Variants in KATNAL2 observed in about 807,000 individuals in gnomAD.
KATNAL2 encodes katanin catalytic subunit A1 like 2.
Under a neutral mutation model 76.3 loss-of-function variants are expected in KATNAL2, and 52 were observed. The ratio of observed to expected loss-of-function variants is 0.68; its 90% CI spans 0.55 to 0.86. The LOEUF (loss-of-function observed/expected upper bound fraction) is 0.86. KATNAL2 is among the 40% of genes least tolerant of loss of function. KATNAL2 has a pLI of 0.00. For synonymous variants in KATNAL2, 243 were observed against 244.2 expected (o/e 1.00, Z 0.05); for missense variants, 660 against 668.9 (o/e 0.99, Z 0.15).
intron 1 of KATNAL2, among the ~76,000 whole-genome samples, chr18:46,925,188 T>A (rs1245166838): frequency 6.6e-6 from 1 of 152,210 alleles, no homozygotes; most frequent in Non-Finnish European, 1.5e-5. Context: ...CTCCAGTTTT[T>A]GCCCATTCAG....
chr18:47,071,846 T>G (rs1193122163), intron 13 of KATNAL2, among the ~76,000 whole-genome samples: 1 of 151,410 alleles, frequency 6.6e-6, no homozygotes, highest in Non-Finnish European at 1.5e-5. Context: ...TCAGTATTAT[T>G]TTGTTAGGAT....
intron 6 of KATNAL2, among the ~76,000 whole-genome samples, chr18:47,055,127 A>C (rs1165814479): frequency 6.6e-6 from 1 of 152,070 alleles, no homozygotes; most frequent in Non-Finnish European, 1.5e-5. Flanking sequence ...TGTCCTTCGC[A>C]TTCCTCTCGC....
At chr18:47,075,722 C>T (rs2062185708) in intron 14 of KATNAL2, among the ~76,000 whole-genome samples, 1 of 152,180 alleles carries the variant, frequency 6.6e-6, no homozygotes, top group African/African-American at 2.4e-5. Context: ...AGAGGGGCTG[C>T]CCCTGGGGAA....
intron 3 of KATNAL2, among the ~76,000 whole-genome samples, chr18:46,957,399 C>A (rs1463487236): frequency 6.6e-6 from 1 of 151,028 alleles, no homozygotes; most frequent in African/African-American, 2.4e-5. Flanking sequence ...GGACTACAGG[C>A]GCCCGCCACC....
In KATNAL2 at chr18:46,946,302, A is replaced by G. The variant is rs2059379957; in HGVS notation, c.-264A>G. On this transcript the variant is annotated 5_prime_UTR_variant, in exon 2 of 18. Coordinates refer to ENST00000683218, the MANE Select transcript of KATNAL2 (RefSeq NM_001387690.1). ...TCTGATGTGAAAGGAATTGGAGGAG[A>G]AGGGGAAGTTTGGTGATGCACAGTT... 1.9e-6 allele frequency: 2 copies of G among 1,054,860 alleles called. No individual in the cohort carries two copies. Among genetic ancestry groups the G allele is most frequent in the African/African-American group, 1.7e-5 (1 of 58,408 alleles). The allele number at this position is 1,054,860 out of a possible 1,614,324, so 65.3% of individuals were successfully genotyped here. A position where few individuals can be genotyped will look rare whatever the true frequency, so the allele number is the denominator to read the frequency against.
intron 1 of KATNAL2, among the ~76,000 whole-genome samples, chr18:46,929,678 T>C (rs1208062542): frequency 6.6e-6 from 1 of 152,248 alleles, no homozygotes; most frequent in East Asian, 1.9e-4. Context: ...AACTTTCTTA[T>C]ACGGGGCATT....
intron 1 of KATNAL2, among the ~76,000 whole-genome samples, chr18:46,938,452 T>G (rs981354746): frequency 1.3e-5 from 2 of 152,174 alleles, no homozygotes; most frequent in Non-Finnish European, 2.9e-5. Flanking sequence ...GGCAAAATGT[T>G]AGGATTTGAT....
chr18:47,063,744 T>A (rs1459818468), intron 10 of KATNAL2, among the ~76,000 whole-genome samples: 2 of 151,856 alleles, frequency 1.3e-5, no homozygotes, highest in African/African-American at 4.8e-5. Flanking sequence ...ACGTCGGGAG[T>A]CTGATGATAT....
chr18:46,919,973 G>A, intron 1 of KATNAL2: 1 of 874,820 alleles, frequency 1.1e-6, no homozygotes, highest in Non-Finnish European at 1.6e-6. Context: ...ATACAGCCCT[G>A]CCACAGAGGA....
At chr18:46,921,579 TGATAG>T (rs2058547121) in intron 1 of KATNAL2, among the ~76,000 whole-genome samples, 1 of 152,120 alleles carries the variant, frequency 6.6e-6, no homozygotes, top group African/African-American at 2.4e-5. Context: ...ATACCTGATC[TGATAG>T]ATCAGGTGTA....
chr18:46,928,410 A>C (rs1161679055), intron 1 of KATNAL2, among the ~76,000 whole-genome samples: 8 of 152,126 alleles, frequency 5.3e-5, no homozygotes, highest in Admixed American at 1.3e-4. Context: ...GATATTGTGA[A>C]CTGCAGATGC....
intron 5 of KATNAL2, among the ~76,000 whole-genome samples, chr18:47,053,712 G>A (rs2061398015): frequency 6.6e-6 from 1 of 152,158 alleles, no homozygotes; most frequent in Non-Finnish European, 1.5e-5. Context: ...TGTAGGGACC[G>A]GGAAACCAAG....
At chr18:47,069,451 G>C in intron 12 of KATNAL2, 31 bp from the exon 13 acceptor site, 1 of 1,533,590 alleles carries the variant, frequency 6.5e-7, no homozygotes, top group Non-Finnish European at 9.0e-7. Flanking sequence ...GAGTTGAAAT[G>C]CCTGCTCATC....
At chr18:47,032,781 C>CA (rs1253341645) in intron 3 of KATNAL2, 17 of 765,966 alleles carry the variant, frequency 2.2e-5, no homozygotes, top group Non-Finnish European at 3.1e-5. Context: ...CCAATGCGTT[C>CA]ATATCTTCTG....
Position 47,099,392 on chromosome 18 carries a change from G to A in KATNAL2, c.1361G>A (p.Ser454Asn), listed in dbSNP as rs199767996. 71 of 1,612,524 alleles carry A rather than the reference G, an allele frequency of 4.4e-5. No individual in the cohort carries two copies. Among genetic ancestry groups the A allele is most frequent in the Middle Eastern group, 1.6e-4 (1 of 6,080 alleles). Residue 454 changes from serine to asparagine, a missense_variant, in exon 16 of 18, where the codon AGT becomes AAT. By Grantham distance (46) the Ser-to-Asn change is conservative. Coordinates refer to ENST00000683218, the MANE Select transcript of KATNAL2 (RefSeq NM_001387690.1). ...ALELHTELEYSVLSQETEGYS... is the reference protein window; with the variant it reads ...ALELHTELEYNVLSQETEGYS... The stretch of plus-strand genomic sequence containing the variant: ...GAGCTGCACACAGAGCTGGAGTACA[G>A]TGTGCTGAGCCAGGTCAGCTGCCCT...
intron 3 of KATNAL2, among the ~76,000 whole-genome samples, chr18:46,959,472 AAACT>A (rs2059868627): frequency 6.6e-6 from 1 of 152,198 alleles, no homozygotes; most frequent in African/African-American, 2.4e-5. Context: ...TTTTTAAAAA[AAACT>A]AACTGAGAAT....
chr18:46,946,691 A>C, intron 2 of KATNAL2, 145 bp downstream of exon 2: 1 of 1,032,934 alleles, frequency 9.7e-7, no homozygotes. Context: ...TTAAACATGC[A>C]TGGTCTAACA....
chr18:47,100,347 C>A lies in KATNAL2; in HGVS notation c.1468C>A (p.His490Asn). 1 of 1,613,306 alleles carries A rather than the reference C, an allele frequency of 6.2e-7. No individual in the cohort carries two copies. The highest frequency in any genetic ancestry group is 1.1e-5 in the South Asian group (1 of 91,042). The change falls in exon 17 of 18, where the codon CAC becomes AAC. Residue 490 changes from histidine (H) to asparagine (N), a missense_variant. Physicochemically the swap from His to Asn is moderately conservative, Grantham distance 68. Transcript: ENST00000683218. ...GAAGATCTTTGATGCACTTGAAAAT[C>A]ACCAGTCAGGTATGGGTTGGATCAC... ...VRKIFDALEN[H>N]QSESSDLPRI...
intron 1 of KATNAL2, among the ~76,000 whole-genome samples, chr18:46,929,835 T>C (rs1307573492): frequency 6.6e-6 from 1 of 152,196 alleles, no homozygotes; most frequent in Non-Finnish European, 1.5e-5. Context: ...AGTACAGTGA[T>C]GTGATCTCAG....
Sources: gnomAD v4.1 joint callset for allele counts (sites outside exome capture counted in the v4.1 genomes callset) on GRCh38, gnomAD v4.1.1 for gene constraint, MANE v1.5 for transcripts, NCBI Gene and HGNC (gene_info 2026-07-23, HGNC 2026-07-21) for gene names.